GPR39: variants seen among roughly 807,000 people sequenced by gnomAD.
GPR39 encodes the protein G protein-coupled receptor 39.
In GPR39, 23 loss-of-function variants were observed where a neutral mutation model predicts 18.4. That is an observed-to-expected ratio of 1.25 (90% CI 0.90 to 1.77). The LOEUF is 1.77. GPR39 is among the 40% of genes most tolerant of loss of function. The pLI, the probability that GPR39 is intolerant of heterozygous loss-of-function variation, is 0.00. For missense variants in GPR39, 647 were observed against 602.4 expected (o/e 1.07, Z -0.78); for synonymous variants, 280 against 257.9 (o/e 1.09, Z -0.82).
At chr2:132,434,332 T>C (rs1241538826) in intron 1 of GPR39, among the ~76,000 whole-genome samples, 1 of 152,184 alleles carries the variant, frequency 6.6e-6, no homozygotes, top group Non-Finnish European at 1.5e-5. Flanking sequence ...TAAACACCAG[T>C]TGCTAAGTCT....
chr2:132,635,582 G>T (rs1681738149), intron 1 of GPR39, among the ~76,000 whole-genome samples: 1 of 152,060 alleles, frequency 6.6e-6, no homozygotes, highest in Admixed American at 6.5e-5. Context: ...AGGAGGGTGT[G>T]GTCTCAGCAA....
chr2:132,616,234 C>G (rs1250790209), intron 1 of GPR39, among the ~76,000 whole-genome samples: 2 of 152,104 alleles, frequency 1.3e-5, no homozygotes, highest in East Asian at 1.9e-4. Context: ...CTCAGTTTTG[C>G]AGATGAGCAA....
At chr2:132,494,665 C>T (rs1203261108) in intron 1 of GPR39, among the ~76,000 whole-genome samples, 1 of 152,172 alleles carries the variant, frequency 6.6e-6, no homozygotes, top group African/African-American at 2.4e-5. Flanking sequence ...AAATTTCCAT[C>T]CTATTTCTAG....
intron 1 of GPR39, among the ~76,000 whole-genome samples, chr2:132,539,912 CT>C (rs1303403273): frequency 1.3e-5 from 2 of 152,124 alleles, no homozygotes; most frequent in Non-Finnish European, 2.9e-5. Context: ...AGATCAGATG[CT>C]CATGTGGAGG....
chr2:132,599,116 G>T (rs910140502), intron 1 of GPR39, among the ~76,000 whole-genome samples: 1 of 151,964 alleles, frequency 6.6e-6, no homozygotes, highest in Non-Finnish European at 1.5e-5. Flanking sequence ...AGCTCTCAAG[G>T]GTCTAAGTTA....
At chr2:132,547,319 G>A (rs1032776073) in intron 1 of GPR39, among the ~76,000 whole-genome samples, 4 of 152,084 alleles carry the variant, frequency 2.6e-5, no homozygotes, top group Admixed American at 6.6e-5. Flanking sequence ...CATTAATTCC[G>A]GTCTTGTGAA....
intron 1 of GPR39, among the ~76,000 whole-genome samples, chr2:132,534,878 T>C (rs1028103530): frequency 9.9e-5 from 15 of 151,864 alleles, no homozygotes; most frequent in Non-Finnish European, 1.9e-4. Context: ...TTAGGAGATA[T>C]ACCTAATGCT....
intron 1 of GPR39, among the ~76,000 whole-genome samples, chr2:132,533,799 C>G (rs1679689636): frequency 6.6e-6 from 1 of 152,124 alleles, no homozygotes; most frequent in Non-Finnish European, 1.5e-5. Flanking sequence ...ATGTAGAAAG[C>G]TGAAACTGGA....
intron 1 of GPR39, among the ~76,000 whole-genome samples, chr2:132,622,219 C>G (rs964402438): frequency 6.6e-6 from 1 of 152,122 alleles, no homozygotes; most frequent in Non-Finnish European, 1.5e-5. Context: ...AATGGTGACA[C>G]CCTGTCTCTC....
Position 132,417,649 on chromosome 2 carries a change from G to C in GPR39, c.607G>C (p.Glu203Gln), listed in dbSNP as rs1169254584. 4 of 1,614,050 alleles carry C rather than the reference G, an allele frequency of 2.5e-6. No homozygotes were observed. In the South Asian group the frequency reaches 4.4e-5, roughly 18 times the overall value. Residue 203 changes from glutamate (E) to glutamine (Q), a missense_variant, in exon 1 of 2, where the codon GAG becomes CAG. Glu to Gln is a conservative substitution (Grantham distance 29). Around this residue, in one of 3 missense-constraint regions of GPR39, gnomAD observed 581 missense variants for 506.8 expected, o/e 1.15. Transcript: ENST00000329321. ...RSSTRHHEQPETSNMSICTNL... is the reference protein window; with the variant it reads ...RSSTRHHEQPQTSNMSICTNL... ...CAGCACCCGCCACCACGAGCAGCCCGAGACCTCCAATATGTCCATCTGTAC... is the reference window on the plus strand; with the variant it reads ...CAGCACCCGCCACCACGAGCAGCCCCAGACCTCCAATATGTCCATCTGTAC...
chr2:132,476,374 G>A (rs954739848), intron 1 of GPR39, among the ~76,000 whole-genome samples: 3 of 152,018 alleles, frequency 2.0e-5, no homozygotes, highest in East Asian at 1.9e-4. Flanking sequence ...GGTGGCTCAC[G>A]CCTGTAATCC....
At chr2:132,565,687 G>A (rs1360836143) in intron 1 of GPR39, among the ~76,000 whole-genome samples, 6 of 146,552 alleles carry the variant, frequency 4.1e-5, no homozygotes, top group South Asian at 2.3e-4. Flanking sequence ...TACTGAGAAT[G>A]ATGATTTCCA....
At position 132,646,016 on chromosome 2, in the gene GPR39, T is replaced by C. The variant is rs1358034655; in HGVS notation, c.*410T>C. On this transcript the variant is annotated 3_prime_UTR_variant, in exon 2 of 2. Transcript: ENST00000329321. ...TTGGGGGCGAGGGCTGGAAGAACAA[T>C]GCAGGAGGGGGTGGCATCTCCTTCA... 6.7e-7 allele frequency: 1 copy of C among 1,489,152 alleles called. No homozygotes were observed. Among genetic ancestry groups the C allele is most frequent in the East Asian group, 2.4e-5 (1 of 42,538 alleles). 92.2% of individuals were successfully genotyped at this position (1,489,152 alleles called of 1,614,324 possible). A position where few individuals can be genotyped will look rare whatever the true frequency, so the allele number is the denominator to read the frequency against.
chr2:132,422,695 TTA>T (rs1227014329), intron 1 of GPR39, among the ~76,000 whole-genome samples: 1 of 152,070 alleles, frequency 6.6e-6, no homozygotes, highest in African/African-American at 2.4e-5. Flanking sequence ...CTCAAATATT[TTA>T]TGTTTATTAC....
chr2:132,417,615 C>G lies in GPR39; in HGVS notation c.573C>G (p.Cys191Trp), dbSNP rs369024843. Residue 191 changes from cysteine to tryptophan, a missense_variant, in exon 1 of 2, where the codon TGC becomes TGG. Coordinates refer to ENST00000329321, the MANE Select transcript of GPR39 (RefSeq NM_001508.3). ...VNVPSHRGLT[C>W]NRSSTRHHEQ... ...TGCCCAGCCACCGGGGTCTCACTTG[C>G]AACCGCTCCAGCACCCGCCACCACG... The G allele has an allele frequency of 4.8e-5, 77 of 1,614,026 alleles. No individual in the cohort carries two copies. Among genetic ancestry groups the G allele is most frequent in the African/African-American group, 6.7e-5 (5 of 74,922 alleles).
Position 132,601,498 on chromosome 2 carries a change from G to A in GPR39, c.857-43603G>A, listed in dbSNP as rs564622669. Among the ~76,000 whole-genome samples, 11 of 152,036 alleles carry A rather than the reference G, an allele frequency of 7.2e-5. No homozygotes were observed. The East Asian group carries it at 1.4e-3, about 19-fold the overall frequency. On this transcript the variant is annotated intron_variant, in intron 1 of 1. Coordinates refer to ENST00000329321, the MANE Select transcript of GPR39 (RefSeq NM_001508.3). ...AAAAGCCATATATGACAGTCCCACC[G>A]CATATATCATACTGAACTGGAACAA... is the stretch of plus-strand genomic sequence containing the variant.
intron 1 of GPR39, among the ~76,000 whole-genome samples, chr2:132,536,061 C>G (rs1300617823): frequency 6.9e-6 from 1 of 144,260 alleles, no homozygotes. Context: ...GGTTTTTTGT[C>G]TCTGTCTCCT....
chr2:132,507,117 C>G (rs1162741827), intron 1 of GPR39, among the ~76,000 whole-genome samples: 1 of 152,098 alleles, frequency 6.6e-6, no homozygotes, highest in Non-Finnish European at 1.5e-5. Context: ...GGCCCCACCT[C>G]TCAATACTAT....
intron 1 of GPR39, among the ~76,000 whole-genome samples, chr2:132,523,070 G>A (rs796579252): frequency 3.9e-5 from 6 of 152,254 alleles, no homozygotes; most frequent in African/African-American, 1.2e-4. Flanking sequence ...AAATCACTCC[G>A]AGCCATCTTT....
Sources: allele counts gnomAD v4.1 joint callset (sites outside exome capture counted in the v4.1 genomes callset), GRCh38; gene constraint gnomAD v4.1.1; regional missense constraint gnomAD v4.1.1; transcripts MANE v1.5; gene names NCBI Gene and HGNC (gene_info 2026-07-23, HGNC 2026-07-21).